Variants in FGF14 observed in about 807,000 individuals in gnomAD.
FGF14 encodes the protein fibroblast growth factor 14, also known as fibroblast growth factor homologous factor 4.
Under a neutral mutation model 25.5 loss-of-function variants are expected in FGF14, and 5 were observed. The observed-to-expected ratio is 0.20, with a 90% CI of 0.10 to 0.41. The LOEUF (loss-of-function observed/expected upper bound fraction) is 0.41. Ranked by LOEUF, FGF14 falls within the 10% of genes least tolerant of loss-of-function variation. FGF14 has a pLI of 1.00. For missense variants in FGF14, 222 were observed against 320.1 expected (o/e 0.69, Z 2.34); for synonymous variants, 138 against 118.3 (o/e 1.17, Z -1.08).
chr13:102,017,071 G>GT (rs147578737), intron 1 of FGF14: 19 of 162,894 alleles, frequency 1.2e-4, no homozygotes, highest in Middle Eastern at 3.0e-3. Context: ...AGACCAGCCT[G>GT]TTTTTTTTAA....
Position 102,342,308 on chromosome 13 carries a change from C to T in FGF14, c.208+59163G>A, listed in dbSNP as rs142602768. Among the ~76,000 whole-genome samples the T allele has an allele frequency of 3.4e-3, 517 of 152,154 alleles. 2 individuals are homozygous for T. Among genetic ancestry groups the T allele is most frequent in the African/African-American group, 0.012 (482 of 41,518 alleles). Reference sequence around the variant, plus strand: ...ACATTAACGTGCTACTGGAATGATTCTCAAATACAAAAGGGGAGGAAGGCA... The same window carrying T: ...ACATTAACGTGCTACTGGAATGATTTTCAAATACAAAAGGGGAGGAAGGCA... On this transcript the variant is annotated intron_variant, in intron 1 of 4. Transcript: ENST00000376131.
At chr13:101,992,995 T>A (rs2038986981) in intron 1 of FGF14, among the ~76,000 whole-genome samples, 1 of 151,606 alleles carries the variant, frequency 6.6e-6, no homozygotes, top group South Asian at 2.1e-4. Context: ...CAAAGAAGGA[T>A]AAATAGCAAA....
chr13:102,329,443 A>G (rs529333128), intron 1 of FGF14, among the ~76,000 whole-genome samples: 1 of 152,256 alleles, frequency 6.6e-6, no homozygotes, highest in Admixed American at 6.5e-5. Flanking sequence ...GCAGGACTCA[A>G]TGTGAGCAGA....
At chr13:101,992,840 T>C (rs1295347013) in intron 1 of FGF14, among the ~76,000 whole-genome samples, 3 of 151,594 alleles carry the variant, frequency 2.0e-5, no homozygotes, top group Non-Finnish European at 4.4e-5. Context: ...TGGGGAATAA[T>C]TAAAAAGGTA....
intron 1 of FGF14, among the ~76,000 whole-genome samples, chr13:102,161,627 A>AGAC (rs1566764675): frequency 3.8e-4 from 8 of 20,854 alleles, no homozygotes; most frequent in African/African-American, 9.1e-4. Context: ...AAGAAGAAGA[A>AGAC]GAAGAAGAAG....
intron 1 of FGF14, chr13:102,017,160 G>A (rs779719815): frequency 6.1e-5 from 15 of 245,280 alleles, no homozygotes; most frequent in Non-Finnish European, 1.1e-4. Context: ...GCTGCTAGCT[G>A]TCCATCCTTC....
intron 1 of FGF14, among the ~76,000 whole-genome samples, chr13:102,158,534 CG>C (rs202058483): frequency 0.17 from 9,714 of 57,590 alleles, 381 homozygotes; most frequent in Non-Finnish European, 0.2. Flanking sequence ...GTGGGGGTAG[CG>C]GGGGGGGGAT....
At chr13:102,051,648 A>G (rs1312755925) in intron 1 of FGF14, among the ~76,000 whole-genome samples, 1 of 152,132 alleles carries the variant, frequency 6.6e-6, no homozygotes, top group East Asian at 1.9e-4. Context: ...ACATTTGCCA[A>G]CTCTGACCTT....
chr13:102,322,423 GC>G (rs199863233), intron 1 of FGF14, among the ~76,000 whole-genome samples: 1 of 149,518 alleles, frequency 6.7e-6, no homozygotes, highest in Non-Finnish European at 1.5e-5. Flanking sequence ...TATCCCTGAG[GC>G]TTTTGGGGAT....
At chr13:102,050,403 G>A (rs1474671865) in intron 1 of FGF14, among the ~76,000 whole-genome samples, 3 of 152,024 alleles carry the variant, frequency 2.0e-5, no homozygotes, top group Non-Finnish European at 4.4e-5. Flanking sequence ...CCATAACCAC[G>A]AACTTTTACA....
chr13:101,936,171 C>T (rs935230070), intron 1 of FGF14, among the ~76,000 whole-genome samples: 5 of 152,198 alleles, frequency 3.3e-5, no homozygotes, highest in East Asian at 1.9e-4. Flanking sequence ...GCAGCCAGTG[C>T]GCTCCTGCAG....
At chr13:101,989,713 G>T (rs1404953300) in intron 1 of FGF14, among the ~76,000 whole-genome samples, 1 of 152,070 alleles carries the variant, frequency 6.6e-6, no homozygotes, top group Non-Finnish European at 1.5e-5. Flanking sequence ...ATATGTTTTA[G>T]TCTTAAACTA....
chr13:101,781,145 TCTCTC>T (rs2039468252), intron 3 of FGF14, among the ~76,000 whole-genome samples: 1 of 152,040 alleles, frequency 6.6e-6, no homozygotes, highest in Non-Finnish European at 1.5e-5. Context: ...TGTCTCTCTC[TCTCTC>T]TCACTCACTC....
chr13:102,291,148 G>C (rs1486346057), intron 1 of FGF14, among the ~76,000 whole-genome samples: 2 of 151,984 alleles, frequency 1.3e-5, no homozygotes, highest in Non-Finnish European at 2.9e-5. Context: ...TAAAAAGCAT[G>C]ACTGATAGAA....
At chr13:101,853,707 C>T (rs540724735) in intron 3 of FGF14, among the ~76,000 whole-genome samples, 83 of 152,122 alleles carry the variant, frequency 5.5e-4, no homozygotes, top group Admixed American at 1.2e-3. Context: ...CCTCCTGCCT[C>T]GGCCTCCCAA....
intron 1 of FGF14, among the ~76,000 whole-genome samples, chr13:101,898,570 G>A (rs1594649559): frequency 6.6e-6 from 1 of 152,142 alleles, no homozygotes; most frequent in African/African-American, 2.4e-5. Flanking sequence ...TTGGTCATGA[G>A]CTTTATATAA....
intron 1 of FGF14, among the ~76,000 whole-genome samples, chr13:102,343,766 T>C (rs1358680837): frequency 2.0e-5 from 3 of 152,198 alleles, no homozygotes; most frequent in Non-Finnish European, 4.4e-5. Context: ...TGAAGGTTAA[T>C]ATGTTTTTTA....
chr13:102,129,651 C>T (rs113720187), intron 1 of FGF14, among the ~76,000 whole-genome samples: 1 of 151,314 alleles, frequency 6.6e-6, no homozygotes, highest in Non-Finnish European at 1.5e-5. Context: ...TGATAATGCA[C>T]ACAGGAAGGG....
At chr13:102,034,248 C>T (rs1400911973) in intron 1 of FGF14, among the ~76,000 whole-genome samples, 1 of 152,104 alleles carries the variant, frequency 6.6e-6, no homozygotes, top group Non-Finnish European at 1.5e-5. Context: ...TGGAGCACGA[C>T]AAGTCATCAC....
Sources: allele counts gnomAD v4.1 joint callset (sites outside exome capture counted in the v4.1 genomes callset), GRCh38; gene constraint gnomAD v4.1.1; transcripts MANE v1.5; gene names NCBI Gene and HGNC (gene_info 2026-07-23, HGNC 2026-07-21).